UNK: variants seen among roughly 807,000 people sequenced by gnomAD.
UNK encodes RING finger protein unkempt homolog.
In UNK, 32 loss-of-function variants were observed where a neutral mutation model predicts 97.6. The ratio of observed to expected loss-of-function variants is 0.33; its 90% CI spans 0.25 to 0.44. The LOEUF (loss-of-function observed/expected upper bound fraction) is 0.44, where lower values mean the gene tolerates loss of function less well. Among genes scored for constraint, UNK ranks in the 20% least tolerant of loss-of-function variants. UNK has a pLI of 1.00. For missense variants in UNK, 771 were observed against 1,098.4 expected (o/e 0.70, Z 4.21); for synonymous variants, 441 against 461.2 (o/e 0.96, Z 0.56).
chr17:75,793,828 A>G (rs2143688323), intron 1 of UNK: 2 of 985,484 alleles, frequency 2.0e-6, no homozygotes, highest in Non-Finnish European at 2.4e-6. Context: ...CCTATTCACA[A>G]GTCTACCCCC....
chr17:75,821,050 C>G (rs1465104401), intron 13 of UNK, among the ~76,000 whole-genome samples: 2 of 91,032 alleles, frequency 2.2e-5, no homozygotes, highest in African/African-American at 6.4e-5. Flanking sequence ...CGGATAGGAT[C>G]TGTTTTTTTT....
At chr17:75,804,023 G>T (rs762223872) in intron 1 of UNK, among the ~76,000 whole-genome samples, 19 of 152,238 alleles carry the variant, frequency 1.2e-4, no homozygotes, top group Admixed American at 2.0e-4. Context: ...ATGTTAAACT[G>T]CCTTGTATAC....
Position 75,813,065 on chromosome 17 carries a change from G to A in UNK, c.623-13G>A, listed in dbSNP as rs909491403. 1.3e-6 allele frequency: 2 copies of A among 1,579,766 alleles called. No individual in the cohort carries two copies. Among genetic ancestry groups the A allele is most frequent in the Non-Finnish European group, 1.7e-6 (2 of 1,162,270 alleles). On this transcript the variant is annotated splice_polypyrimidine_tract_variant and intron_variant, in intron 4 of 15. Coordinates refer to ENST00000589666, the MANE Select transcript of UNK (RefSeq NM_001080419.3). ...CCTCTCACCTGACCCCTGCCCTCTG[G>A]CCCCCTGTGCAGAGACTGCTTATGT...
At chr17:75,788,801 C>T (rs1421691607) in intron 1 of UNK, among the ~76,000 whole-genome samples, 1 of 152,184 alleles carries the variant, frequency 6.6e-6, no homozygotes, top group Admixed American at 6.5e-5. Flanking sequence ...TGAGCCACCT[C>T]ACCTGGACTT....
chr17:75,809,720 C>T lies in UNK; in HGVS notation c.105-40C>T, dbSNP rs1174309663. ...TTGCTGGGAAGCAAGAGACTTCATTCTCTGCTCCCGGCCTGCCCCACGCGG... is the reference window on the plus strand; with the variant it reads ...TTGCTGGGAAGCAAGAGACTTCATTTTCTGCTCCCGGCCTGCCCCACGCGG... On this transcript the variant is annotated intron_variant, in intron 1 of 15. Transcript: ENST00000589666. 2.6e-6 allele frequency: 4 copies of T among 1,556,198 alleles called. No homozygotes were observed. The Admixed American group carries it at 7.7e-5, about 30-fold the overall frequency.
At position 75,816,187 on chromosome 17, in the gene UNK, C is replaced by G. The variant is rs1159820248; in HGVS notation, c.962-583C>G. Among the ~76,000 whole-genome samples the G allele has an allele frequency of 1.3e-5, 2 of 152,150 alleles. No individual in the cohort carries two copies. Among genetic ancestry groups the G allele is most frequent in the African/African-American group, 4.8e-5 (2 of 41,432 alleles). Reference sequence around the variant, plus strand: ...GGATCCTCAGCATGATACTGTAGGCCGCCACCAGTCTCAGAGACAGAGCTC... The same window carrying G: ...GGATCCTCAGCATGATACTGTAGGCGGCCACCAGTCTCAGAGACAGAGCTC... On this transcript the variant is annotated intron_variant, in intron 7 of 15. Coordinates refer to ENST00000589666, the MANE Select transcript of UNK (RefSeq NM_001080419.3). The surrounding 1 kb of genome is among the most constrained non-coding windows in gnomAD (Gnocchi z 4.0).
At chr17:75,786,596 C>G (rs1485269615) in intron 1 of UNK, among the ~76,000 whole-genome samples, 1 of 152,180 alleles carries the variant, frequency 6.6e-6, no homozygotes, top group Non-Finnish European at 1.5e-5. Context: ...GTAGCTCTCA[C>G]GCCTGTAATC....
chr17:75,800,482 T>C (rs550695517), intron 1 of UNK, among the ~76,000 whole-genome samples: 2 of 149,852 alleles, frequency 1.3e-5, no homozygotes, highest in East Asian at 4.2e-4. Context: ...CTCATGCCTG[T>C]AATCCCAGCA....
At chr17:75,795,016 CT>C (rs1296707775) in intron 1 of UNK, among the ~76,000 whole-genome samples, 1 of 152,114 alleles carries the variant, frequency 6.6e-6, no homozygotes, top group Non-Finnish European at 1.5e-5. Context: ...AAAATAGATC[CT>C]TCAGTTCCTA....
chr17:75,789,694 C>T (rs1442774252), intron 1 of UNK, among the ~76,000 whole-genome samples: 1 of 152,096 alleles, frequency 6.6e-6, no homozygotes, highest in Non-Finnish European at 1.5e-5. Context: ...GAATTTAATT[C>T]AGCTTTGTTT....
intron 1 of UNK, among the ~76,000 whole-genome samples, chr17:75,790,791 C>T (rs1023965161): frequency 4.6e-5 from 7 of 151,558 alleles, no homozygotes; most frequent in African/African-American, 1.5e-4. Flanking sequence ...ATTAGCTGGG[C>T]GTGGTGGTGC....
At position 75,819,002 on chromosome 17, in the gene UNK, C is replaced by A. The variant is rs1246570692; in HGVS notation, c.1546+186C>A. On this transcript the variant is annotated intron_variant, in intron 11 of 15. Coordinates refer to ENST00000589666, the MANE Select transcript of UNK (RefSeq NM_001080419.3). This position sits in a 1 kb window ranked among gnomAD's most constrained non-coding sequence, Gnocchi z 5.4. ...ATGACCCCAAGGTGTAGGGCCAGGACTGACCCTTAGAGCTCCTTTGTGCAA... is the reference window on the plus strand; with the variant it reads ...ATGACCCCAAGGTGTAGGGCCAGGAATGACCCTTAGAGCTCCTTTGTGCAA... 4.5e-6 allele frequency: 3 copies of A among 660,366 alleles called. No individual in the cohort carries two copies. 40.9% of individuals were successfully genotyped at this position (660,366 alleles called of 1,614,324 possible). A position where few individuals can be genotyped will look rare whatever the true frequency, so the allele number is the denominator to read the frequency against.
At chr17:75,814,989 TG>T (rs1362668580) in intron 6 of UNK, among the ~76,000 whole-genome samples, 179 bp from the exon 7 acceptor site, 2 of 151,538 alleles carry the variant, frequency 1.3e-5, no homozygotes, top group African/African-American at 4.9e-5. Flanking sequence ...GGAGTGGTGG[TG>T]GGCTGCCTCA....
At chr17:75,805,809 AAT>A (rs2061907815) in intron 1 of UNK, among the ~76,000 whole-genome samples, 1 of 96,492 alleles carries the variant, frequency 1.0e-5, no homozygotes, top group Non-Finnish European at 2.0e-5. Context: ...TAAAAAGAAA[AAT>A]GTGTGTGTGT....
Position 75,819,792 on chromosome 17 carries a change from G to A in UNK, c.1648+7G>A, listed in dbSNP as rs2062049738. 1.2e-6 allele frequency: 2 copies of A among 1,613,600 alleles called. No homozygotes were observed. The highest frequency in any genetic ancestry group is 1.3e-5 in the African/African-American group (1 of 74,940). On this transcript the variant is annotated splice_region_variant and intron_variant, in intron 12 of 15. Coordinates refer to ENST00000589666, the MANE Select transcript of UNK (RefSeq NM_001080419.3). This position sits in a 1 kb window ranked among gnomAD's most constrained non-coding sequence, Gnocchi z 5.4. ...CCAGGAAGCATCACCATCGGTACTG[G>A]GTGTGGGTGGGCAGGGCAGCCTGGA... is the stretch of plus-strand genomic sequence containing the variant.
intron 1 of UNK, among the ~76,000 whole-genome samples, chr17:75,802,365 C>G (rs2061869458): frequency 7.0e-6 from 1 of 143,326 alleles, no homozygotes; most frequent in Non-Finnish European, 1.5e-5. Flanking sequence ...TTTAGTGATC[C>G]TTTCACTTCA....
intron 6 of UNK, among the ~76,000 whole-genome samples, chr17:75,814,890 A>T (rs2062003169): frequency 6.6e-6 from 1 of 152,198 alleles, no homozygotes; most frequent in Non-Finnish European, 1.5e-5. Flanking sequence ...AGACCTGGCC[A>T]TGCCCGTGAG....
At chr17:75,785,124 C>T (rs2061696009) in intron 1 of UNK, 140 bp downstream of exon 1, 1 of 577,856 alleles carries the variant, frequency 1.7e-6, no homozygotes, top group Non-Finnish European at 2.9e-6. Context: ...CGGTTCCAAC[C>T]TGCTGGGGCC....
intron 2 of UNK, among the ~76,000 whole-genome samples, chr17:75,810,554 G>A (rs903666910): frequency 3.3e-5 from 5 of 152,072 alleles, no homozygotes; most frequent in South Asian, 4.1e-4. Flanking sequence ...CCCTTCGTCA[G>A]CCCTCTTTCT....
Sources: gnomAD v4.1 joint callset for allele counts (sites outside exome capture counted in the v4.1 genomes callset) on GRCh38, gnomAD v4.1.1 for gene constraint, Gnocchi (gnomAD v3.1) non-coding constraint, MANE v1.5 for transcripts, NCBI Gene and HGNC (gene_info 2026-07-23, HGNC 2026-07-21) for gene names.